The following ROR2 variants were observed in gnomAD, a reference collection of about 807,000 sequenced individuals.
ROR2 encodes the protein tyrosine-protein kinase transmembrane receptor ROR2.
In ROR2, 33 loss-of-function variants were observed where a neutral mutation model predicts 74.9. The ratio of observed to expected loss-of-function variants is 0.44; its 90% confidence interval spans 0.33 to 0.59. The LOEUF (loss-of-function observed/expected upper bound fraction) is 0.59. Ranked by LOEUF, ROR2 falls within the 20% of genes least tolerant of loss-of-function variation. The probability of loss-of-function intolerance (pLI) is 0.02; values close to 1 mark genes in which losing one functional copy is unlikely to be tolerated. For synonymous variants in ROR2, 586 were observed against 558.7 expected, an observed-to-expected ratio of 1.05 and a Z score of -0.69; for missense variants, 1,216 against 1,313.8, an observed-to-expected ratio of 0.93 and a Z score of 1.15.
At chr9:91,786,584 T>A (rs1183746454) in intron 1 of ROR2, among the ~76,000 whole-genome samples, 1 of 152,144 alleles carries the variant, frequency 6.6e-6, no homozygotes, top group Non-Finnish European at 1.5e-5. Flanking sequence ...AATGGTGAAG[T>A]AGCCAAGGCC....
At chr9:91,912,454 G>A (rs946864209) in intron 1 of ROR2, among the ~76,000 whole-genome samples, 1 of 152,296 alleles carries the variant, frequency 6.6e-6, no homozygotes, top group South Asian at 2.1e-4. Flanking sequence ...ATCGCACATT[G>A]TGTATACAGA....
chr9:91,949,385 G>A (rs1392087027), intron 1 of ROR2, among the ~76,000 whole-genome samples: 1 of 151,640 alleles, frequency 6.6e-6, no homozygotes, highest in Non-Finnish European at 1.5e-5. Context: ...TCCACCCCAG[G>A]ATTCTGCCAG....
intron 1 of ROR2, among the ~76,000 whole-genome samples, chr9:91,837,040 TA>T (rs1193254883): frequency 1.3e-5 from 2 of 152,156 alleles, no homozygotes; most frequent in African/African-American, 4.8e-5. Flanking sequence ...AATTTTTCTT[TA>T]AAAAAACTGT....
At chr9:91,814,587 C>T (rs1353786570) in intron 1 of ROR2, among the ~76,000 whole-genome samples, 1 of 152,238 alleles carries the variant, frequency 6.6e-6, no homozygotes, top group East Asian at 1.9e-4. Context: ...TTACATACCA[C>T]TCTTTGGAAG....
chr9:91,734,179 C>A (rs1824940366), intron 5 of ROR2, among the ~76,000 whole-genome samples: 1 of 152,096 alleles, frequency 6.6e-6, no homozygotes, highest in Non-Finnish European at 1.5e-5. Context: ...ATCTGCTGCA[C>A]CTGGGGTGCA....
At chr9:91,821,057 TG>T (rs1828124490) in intron 1 of ROR2, among the ~76,000 whole-genome samples, 1 of 150,576 alleles carries the variant, frequency 6.6e-6, no homozygotes. Context: ...GCTGAGATCA[TG>T]CCACTGCATT....
chr9:91,843,386 C>T (rs1193177141), intron 1 of ROR2, among the ~76,000 whole-genome samples: 1 of 152,210 alleles, frequency 6.6e-6, no homozygotes, highest in African/African-American at 2.4e-5. Flanking sequence ...ACTCAGATGG[C>T]CCCATCAAGA....
At chr9:91,903,693 C>T (rs2119440144) in intron 1 of ROR2, among the ~76,000 whole-genome samples, 1 of 152,270 alleles carries the variant, frequency 6.6e-6, no homozygotes, top group South Asian at 2.1e-4. Flanking sequence ...CAACTGCCCA[C>T]CCCTTCCCGG....
At position 91,782,700 on chromosome 9, in the gene ROR2, TTAAGGC is replaced by T. The variant is rs547365658; in HGVS notation, c.98-6888_98-6883del. ...ACGGGTTAGACAAGCTTGCTTTAAG[TTAAGGC>T]CAGGTCTGGAGCAGGCTCCACCTCC... On this transcript the variant is annotated intron_variant, in intron 1 of 8. Transcript: ENST00000375708. Among the ~76,000 whole-genome samples, 268 of 151,940 alleles carry T rather than the reference TTAAGGC, an allele frequency of 1.8e-3. 1 individual carries two copies. Among genetic ancestry groups the T allele is most frequent in the African/African-American group, 6.4e-3 (264 of 41,430 alleles).
At chr9:91,737,350 T>A (rs748067669) in intron 5 of ROR2, 41 bp downstream of exon 5, 2 of 1,613,738 alleles carry the variant, frequency 1.2e-6, no homozygotes, top group East Asian at 4.5e-5. Flanking sequence ...GATGGCTGTG[T>A]GCATGCTTAT....
chr9:91,766,940 G>A (rs541205720), intron 2 of ROR2, among the ~76,000 whole-genome samples: 2 of 152,306 alleles, frequency 1.3e-5, no homozygotes, highest in South Asian at 4.1e-4. Context: ...CATCTCCCCA[G>A]TGCCCACGTC....
At chr9:91,738,251 G>A (rs764531907) in intron 4 of ROR2, among the ~76,000 whole-genome samples, 2 of 152,094 alleles carry the variant, frequency 1.3e-5, no homozygotes, top group Non-Finnish European at 2.9e-5. Flanking sequence ...GAAGGAGGGC[G>A]GGAAGACTCT....
At chr9:91,902,312 T>C (rs112293455) in intron 1 of ROR2, among the ~76,000 whole-genome samples, 1,885 of 152,318 alleles carry the variant, frequency 0.012, 43 homozygotes, top group African/African-American at 0.042. Context: ...TATCACAAAA[T>C]GAAGTAAACT....
chr9:91,780,398 A>C (rs1826577645), intron 1 of ROR2, among the ~76,000 whole-genome samples: 1 of 151,542 alleles, frequency 6.6e-6, no homozygotes. Flanking sequence ...AAAGAAAGAA[A>C]GAAAGAAATT....
intron 1 of ROR2, among the ~76,000 whole-genome samples, chr9:91,937,547 C>T (rs1246970386): frequency 4.6e-5 from 7 of 152,078 alleles, no homozygotes; most frequent in Non-Finnish European, 1.0e-4. Flanking sequence ...CAGAGCCAGA[C>T]AAAGGATTCT....
chr9:91,891,183 A>C (rs1272955742), intron 1 of ROR2, among the ~76,000 whole-genome samples: 1 of 152,226 alleles, frequency 6.6e-6, no homozygotes, highest in African/African-American at 2.4e-5. Flanking sequence ...CAGAAGTCTA[A>C]GAAGAGCATG....
intron 1 of ROR2, among the ~76,000 whole-genome samples, chr9:91,896,274 T>C (rs148005829): frequency 2.6e-5 from 4 of 152,332 alleles, no homozygotes; most frequent in Non-Finnish European, 4.4e-5. Context: ...CTGGGTATAT[T>C]TGTAGCCCTG....
intron 4 of ROR2, among the ~76,000 whole-genome samples, chr9:91,744,905 G>A (rs1293694898): frequency 1.3e-5 from 2 of 152,146 alleles, no homozygotes; most frequent in Admixed American, 6.5e-5. Flanking sequence ...GAAGGTTGCT[G>A]TATCCTTGAA....
At chr9:91,774,047 G>A (rs10992090) in intron 2 of ROR2, among the ~76,000 whole-genome samples, 9,475 of 152,324 alleles carry the variant, frequency 0.062, 529 homozygotes, top group Admixed American at 0.16. Context: ...GGGACAATCA[G>A]TAAGTATCTG....
Sources: gnomAD v4.1 joint callset for allele counts (sites outside exome capture counted in the v4.1 genomes callset) on GRCh38, gnomAD v4.1.1 for gene constraint, MANE v1.5 for transcripts, NCBI Gene and HGNC (gene_info 2026-07-23, HGNC 2026-07-21) for gene names.